The following SLC24A2 variants were observed in gnomAD, a reference collection of about 807,000 sequenced individuals.
The protein encoded by SLC24A2 is sodium/potassium/calcium exchanger 2.
In SLC24A2, 36 loss-of-function variants were observed where a neutral mutation model predicts 62.0. The ratio of observed to expected loss-of-function variants is 0.58; its 90% CI spans 0.44 to 0.77. SLC24A2 has a LOEUF of 0.77. Ranked by LOEUF, SLC24A2 falls within the 30% of genes least tolerant of loss-of-function variation. SLC24A2 has a pLI of 0.00. For missense variants in SLC24A2, 846 were observed against 817.9 expected (o/e 1.03, Z -0.42); for synonymous variants, 358 against 294.0 (o/e 1.22, Z -2.23).
At chr9:20,075,373 A>T in the SLC24A2 span, among the ~76,000 whole-genome samples, 1 of 152,192 alleles carries the variant, frequency 6.6e-6, no homozygotes, top group African/African-American at 2.4e-5. Flanking sequence ...GCAAAGTCAT[A>T]TTCCTAAGCT....
At chr9:20,119,619 G>C in the SLC24A2 span, among the ~76,000 whole-genome samples, 2 of 152,096 alleles carry the variant, frequency 1.3e-5, no homozygotes, top group Non-Finnish European at 2.9e-5. Context: ...ATCAGATAAA[G>C]AGCAACCATA....
At chr9:19,982,229 C>T in the SLC24A2 span, among the ~76,000 whole-genome samples, 1,608 of 152,230 alleles carry the variant, frequency 0.011, 30 homozygotes, top group African/African-American at 0.035. Context: ...CCCAAAAGAG[C>T]TTGATTCATA....
intron 5 of SLC24A2, among the ~76,000 whole-genome samples, chr9:19,594,497 C>A (rs1213906573): frequency 6.6e-6 from 1 of 152,052 alleles, no homozygotes; most frequent in Non-Finnish European, 1.5e-5. Flanking sequence ...ACCAACCAAC[C>A]AAACAAACAA....
At chr9:20,243,657 T>A in the SLC24A2 span, among the ~76,000 whole-genome samples, 2 of 152,036 alleles carry the variant, frequency 1.3e-5, no homozygotes, top group East Asian at 3.9e-4. Flanking sequence ...CATTCTAGAG[T>A]TTTATTACCA....
chr9:19,957,255 G>A, the SLC24A2 span: 1 of 121,848 alleles, frequency 8.2e-6, no homozygotes, highest in Non-Finnish European at 1.7e-5. Flanking sequence ...TCTAGATCTA[G>A]CCTCAGTTTA....
chr9:19,931,532 C>T, the SLC24A2 span, among the ~76,000 whole-genome samples: 1 of 152,202 alleles, frequency 6.6e-6, no homozygotes, highest in African/African-American at 2.4e-5. Flanking sequence ...ACATAGATTA[C>T]TTATTCACTT....
At chr9:19,522,795 A>G (rs887089986) in intron 9 of SLC24A2, among the ~76,000 whole-genome samples, 2 of 152,184 alleles carry the variant, frequency 1.3e-5, no homozygotes, top group Non-Finnish European at 2.9e-5. Context: ...TGATTTCACT[A>G]GTATGTTTTT....
chr9:19,602,694 T>C (rs1282426489), intron 4 of SLC24A2, among the ~76,000 whole-genome samples: 1 of 152,168 alleles, frequency 6.6e-6, no homozygotes, highest in Non-Finnish European at 1.5e-5. Flanking sequence ...GGTCCAACAA[T>C]CCTGGGTTTG....
At chr9:19,814,970 A>AAAATAC in the SLC24A2 span, among the ~76,000 whole-genome samples, 1 of 152,304 alleles carries the variant, frequency 6.6e-6, no homozygotes, top group African/African-American at 2.4e-5. Context: ...AAATTTGGTG[A>AAAATAC]AAATACAACT....
At chr9:19,740,109 T>C (rs1324331108) in intron 2 of SLC24A2, among the ~76,000 whole-genome samples, 1 of 151,978 alleles carries the variant, frequency 6.6e-6, no homozygotes, top group African/African-American at 2.4e-5. Context: ...ATGGCAAGGA[T>C]ATAGAGCAAT....
rs1832858397 is a variant in SLC24A2 at position 19,514,705 on chromosome 9, T to G, written c.*1448A>C. On this transcript the variant is annotated 3_prime_UTR_variant, in exon 11 of 11. Transcript: ENST00000341998. ...GGAAGCTGTCAAATACCGTGTACTCTAAAACTTAGACAGAATCCCAGATAA... is the reference window on the plus strand; with the variant it reads ...GGAAGCTGTCAAATACCGTGTACTCGAAAACTTAGACAGAATCCCAGATAA... 6.6e-6 allele frequency: 1 copy of G among 152,192 alleles called. No individual in the cohort carries two copies. Among genetic ancestry groups the G allele is most frequent in the Non-Finnish European group, 1.5e-5 (1 of 68,034 alleles). The allele number at this position is 152,192 out of a possible 1,614,324, so 9.4% of individuals were successfully genotyped here.
At chr9:20,131,717 C>T in the SLC24A2 span, among the ~76,000 whole-genome samples, 3 of 152,084 alleles carry the variant, frequency 2.0e-5, no homozygotes, top group East Asian at 3.9e-4. Context: ...CAGGGATGTG[C>T]TGGGCATATC....
At chr9:20,294,903 C>G in the SLC24A2 span, among the ~76,000 whole-genome samples, 3 of 152,060 alleles carry the variant, frequency 2.0e-5, no homozygotes, top group Non-Finnish European at 2.9e-5. Context: ...ATTTGTACCA[C>G]TCTACTCAGA....
At chr9:19,832,490 A>T in the SLC24A2 span, among the ~76,000 whole-genome samples, 1 of 152,244 alleles carries the variant, frequency 6.6e-6, no homozygotes, top group Non-Finnish European at 1.5e-5. Context: ...AGAAATGGGG[A>T]AACGATTCCC....
the SLC24A2 span, among the ~76,000 whole-genome samples, chr9:20,018,193 G>A: frequency 5.9e-5 from 9 of 152,048 alleles, no homozygotes; most frequent in Non-Finnish European, 1.0e-4. Flanking sequence ...GTGATCTGCC[G>A]GTCTCGGCCT....
intron 2 of SLC24A2, among the ~76,000 whole-genome samples, chr9:19,678,618 A>G (rs932625180): frequency 6.6e-6 from 1 of 152,214 alleles, no homozygotes; most frequent in Non-Finnish European, 1.5e-5. Flanking sequence ...TGTTGAGAAG[A>G]CATCTGAAGA....
At chr9:20,204,666 T>C in the SLC24A2 span, among the ~76,000 whole-genome samples, 3 of 151,842 alleles carry the variant, frequency 2.0e-5, no homozygotes, top group Non-Finnish European at 4.4e-5. Flanking sequence ...CATCACGACA[T>C]ACTTACAATG....
At chr9:20,199,885 A>ATTTT in the SLC24A2 span, among the ~76,000 whole-genome samples, 215 of 132,022 alleles carry the variant, frequency 1.6e-3, 2 homozygotes, top group East Asian at 0.039. Context: ...TGCCTGGCTA[A>ATTTT]TTTTTTTTTT....
At chr9:20,012,582 G>T in the SLC24A2 span, among the ~76,000 whole-genome samples, 1 of 152,080 alleles carries the variant, frequency 6.6e-6, no homozygotes, top group African/African-American at 2.4e-5. Context: ...TCATAGAAAA[G>T]AAAGAAGTAA....
Sources: gnomAD v4.1 joint callset for allele counts (sites outside exome capture counted in the v4.1 genomes callset) on GRCh38, gnomAD v4.1.1 for gene constraint, MANE v1.5 for transcripts, NCBI Gene and HGNC (gene_info 2026-07-23, HGNC 2026-07-21) for gene names.